Variants in CACNA1S observed in about 807,000 individuals in gnomAD.
The protein encoded by CACNA1S is calcium voltage-gated channel subunit alpha1 S, also known as voltage-dependent L-type calcium channel subunit alpha-1S.
CACNA1S carries 126 observed loss-of-function variants against 207.4 expected under a neutral mutation model. The ratio of observed to expected loss-of-function variants is 0.61; its 90% CI spans 0.53 to 0.70. CACNA1S has a LOEUF of 0.70. Ranked by LOEUF, CACNA1S falls within the 30% of genes least tolerant of loss-of-function variation. CACNA1S has a pLI of 0.00. For missense variants in CACNA1S, 2,349 were observed against 2,422.8 expected, an observed-to-expected ratio of 0.97 and a Z score of 0.64; for synonymous variants, 960 against 932.7, an observed-to-expected ratio of 1.03 and a Z score of -0.53.
In CACNA1S at chr1:201,091,648, A is replaced by G. The variant is rs778551098; in HGVS notation, c.686T>C (p.Ile229Thr). Residue 229 changes from isoleucine (I) to threonine (T), a missense_variant, in exon 5 of 44, where the codon ATT becomes ACT. Physicochemically the swap from Ile to Thr is moderately conservative, Grantham distance 89 (BLOSUM62 -1). Coordinates refer to ENST00000362061, the MANE Select transcript of CACNA1S (RefSeq NM_000069.3). ...KGKMHKTCYF[I>T]GTDIVATVEN... ...TTTCCCTGGGAGCTCACCTGTACCA[A>G]TGAAGTAGCAGGTCTTGTGCATCTT... 26 of 1,614,080 alleles carry G rather than the reference A, an allele frequency of 1.6e-5. No homozygotes were observed. Among genetic ancestry groups the G allele is most frequent in the Middle Eastern group, 1.6e-4 (1 of 6,084 alleles).
intron 22 of CACNA1S, among the ~76,000 whole-genome samples, chr1:201,065,455 G>A (rs1359732820): frequency 6.6e-6 from 1 of 152,168 alleles, no homozygotes; most frequent in Non-Finnish European, 1.5e-5. Context: ...CCGTTTTCTT[G>A]TTTTGTTTGA....
At chr1:201,095,063 G>A (rs1460003571) in intron 2 of CACNA1S, among the ~76,000 whole-genome samples, 1 of 152,028 alleles carries the variant, frequency 6.6e-6, no homozygotes, top group Non-Finnish European at 1.5e-5. Context: ...AGCCTCCCGA[G>A]GGGGTGCTGA....
chr1:201,059,344 G>T (rs1345792994), intron 26 of CACNA1S, 45 bp from the exon 27 acceptor site: 4 of 1,305,402 alleles, frequency 3.1e-6, no homozygotes, highest in Non-Finnish European at 4.4e-6. Flanking sequence ...GGCCGGGTTT[G>T]CCCACCCTGT....
Position 201,075,524 on chromosome 1 carries a change from T to C in CACNA1S, c.1919A>G (p.Tyr640Cys), listed in dbSNP as rs1347247620. The change falls in exon 13 of 44, where the codon TAC becomes TGC. Residue 640 changes from tyrosine (Y) to cysteine (C), a missense_variant. By Grantham distance (194) the Tyr-to-Cys change is radical. Coordinates refer to ENST00000362061, the MANE Select transcript of CACNA1S (RefSeq NM_000069.3). ...PSYPGMLVCIYFIILFVCGNY... is the reference protein window; with the variant it reads ...PSYPGMLVCICFIILFVCGNY... ...GCCACAGACGAAAAGGATGATGAAG[T>C]AAATGCACACAAGCATGCCAGGGTA... The C allele has an allele frequency of 5.6e-6, 9 of 1,608,980 alleles. No individual in the cohort carries two copies. In the East Asian group the frequency reaches 6.7e-5, roughly 12 times the overall value.
At chr1:201,081,380 G>A (rs1030541419) in intron 10 of CACNA1S, among the ~76,000 whole-genome samples, 1 of 152,162 alleles carries the variant, frequency 6.6e-6, no homozygotes, top group Non-Finnish European at 1.5e-5. Flanking sequence ...GTTTGTAGTG[G>A]GGAGGGCACT....
chr1:201,063,321 A>C (rs1269895097), intron 22 of CACNA1S, among the ~76,000 whole-genome samples: 2 of 146,012 alleles, frequency 1.4e-5, no homozygotes, highest in Non-Finnish European at 1.5e-5. Context: ...TTGTTTGCTC[A>C]CTCTGTCGCT....
chr1:201,048,480 C>T lies in CACNA1S; in HGVS notation c.4441+102G>A, dbSNP rs1558054929. 1.4e-5 allele frequency: 14 copies of T among 1,022,154 alleles called. No individual in the cohort carries two copies. In the South Asian group the frequency reaches 1.8e-4, roughly 13 times the overall value. 63.3% of individuals were successfully genotyped at this position (1,022,154 alleles called of 1,614,324 possible). ...GGGGTCCTCCCTCTACTTCTTCCCA[C>T]AGTTCTTAAGAGCAATCTTGAGCTC... On this transcript the variant is annotated intron_variant, in intron 36 of 43. Coordinates refer to ENST00000362061, the MANE Select transcript of CACNA1S (RefSeq NM_000069.3).
At chr1:201,077,493 C>T (rs1032894295) in intron 11 of CACNA1S, among the ~76,000 whole-genome samples, 1 of 152,208 alleles carries the variant, frequency 6.6e-6, no homozygotes, top group Non-Finnish European at 1.5e-5. Context: ...GAACCTCTCT[C>T]CACTTCCCTC....
At chr1:201,109,555 C>T (rs538158262) in intron 2 of CACNA1S, among the ~76,000 whole-genome samples, 2 of 152,298 alleles carry the variant, frequency 1.3e-5, no homozygotes, top group African/African-American at 4.8e-5. Flanking sequence ...TCAGTTTTCT[C>T]ATCCATAAAA....
rs771865391 is a variant in CACNA1S at position 201,070,336 on chromosome 1, G to T, written c.2296C>A (p.Leu766Met). The T allele has an allele frequency of 1.7e-4, 273 of 1,614,110 alleles. 4 individuals are homozygous for T. The South Asian group carries it at 2.1e-3, about 13-fold the overall frequency. The change falls in exon 17 of 44, where the codon CTG (leucine) becomes ATG (methionine). Residue 766 changes from leucine to methionine, a missense_variant. Coordinates refer to ENST00000362061, the MANE Select transcript of CACNA1S (RefSeq NM_000069.3). ...GGAATGGGCACGGCCTTCTCTTTCA[G>T]CTGCAGCTCAGCCAGGGGACGTGGT... ...PRPRPLAELQ[L>M]KEKAVPIPEA...
At position 201,061,259 on chromosome 1, in the gene CACNA1S, C is replaced by A; in HGVS notation, c.3255+8G>T. The A allele has an allele frequency of 6.2e-7, 1 of 1,613,804 alleles. No individual in the cohort carries two copies. Among genetic ancestry groups the A allele is most frequent in the Non-Finnish European group, 8.5e-7 (1 of 1,179,726 alleles). ...CTGCCCTCCACCTCTGGCAGGCAGC[C>A]CAGGCACCTGGTTCTTGTCCAGCTC... On this transcript the variant is annotated splice_region_variant and intron_variant, in intron 25 of 43. Coordinates refer to ENST00000362061, the MANE Select transcript of CACNA1S (RefSeq NM_000069.3).
intron 2 of CACNA1S, among the ~76,000 whole-genome samples, chr1:201,104,527 T>C (rs956429825): frequency 6.6e-6 from 1 of 152,374 alleles, no homozygotes; most frequent in African/African-American, 2.4e-5. Flanking sequence ...AACCTAGCAA[T>C]CCTATTCCAT....
At chr1:201,095,450 C>T (rs1458318036) in intron 2 of CACNA1S, among the ~76,000 whole-genome samples, 1 of 152,160 alleles carries the variant, frequency 6.6e-6, no homozygotes, top group East Asian at 1.9e-4. Flanking sequence ...TTTATTTTTA[C>T]TTCCAAGTGA....
chr1:201,080,743 T>C (rs1312020392), intron 10 of CACNA1S, among the ~76,000 whole-genome samples: 7 of 144,336 alleles, frequency 4.8e-5, no homozygotes, highest in African/African-American at 1.7e-4. Flanking sequence ...TTTTTTTTTG[T>C]TGTTGTTTGT....
Position 201,089,564 on chromosome 1 carries a change from T to C in CACNA1S, c.695-101A>G, listed in dbSNP as rs2296384. 0.6 allele frequency: 673,209 copies of C among 1,126,138 alleles called. 204,469 individuals carry two copies. Among genetic ancestry groups the C allele is most frequent in the Non-Finnish European group, 0.63 (482,950 of 768,954 alleles). The allele number at this position is 1,126,138 out of a possible 1,614,324, so 69.8% of individuals were successfully genotyped here. ...CAATTTAAGAGAATTGAGCAGTAAG[T>C]CTAAAGACACTCTGCTGAAAATGCA... is the stretch of plus-strand genomic sequence containing the variant. On this transcript the variant is annotated intron_variant, in intron 5 of 43. Transcript: ENST00000362061.
intron 11 of CACNA1S, among the ~76,000 whole-genome samples, chr1:201,077,635 C>T (rs1050084868): frequency 6.6e-6 from 1 of 152,138 alleles, no homozygotes; most frequent in African/African-American, 2.4e-5. Context: ...TCTTTTCCAC[C>T]ACCCCCACTC....
rs1419485886 is a variant in CACNA1S, at chr1:201,039,785, C to G, written c.*46G>C. The G allele has an allele frequency of 2.5e-6, 4 of 1,599,606 alleles. No homozygotes were observed. The highest frequency in any genetic ancestry group is 3.4e-6 in the Non-Finnish European group (4 of 1,179,822). On this transcript the variant is annotated 3_prime_UTR_variant, in exon 44 of 44. Coordinates refer to ENST00000362061, the MANE Select transcript of CACNA1S (RefSeq NM_000069.3). ...CTCCACCCCAGCAACTTCCCCACCCCCATTGGTCATGCCAGCTCTAAGCCC... is the reference window on the plus strand; with the variant it reads ...CTCCACCCCAGCAACTTCCCCACCCGCATTGGTCATGCCAGCTCTAAGCCC...
chr1:201,098,904 T>G (rs1050579648), intron 2 of CACNA1S, among the ~76,000 whole-genome samples: 8 of 152,194 alleles, frequency 5.3e-5, no homozygotes, highest in African/African-American at 1.9e-4. Context: ...TAACTGGTGC[T>G]CCCTGGGGCC....
At chr1:201,082,969 G>A (rs1661890692) in intron 10 of CACNA1S, among the ~76,000 whole-genome samples, 193 bp downstream of exon 10, 1 of 152,162 alleles carries the variant, frequency 6.6e-6, no homozygotes, top group South Asian at 2.1e-4. Flanking sequence ...TGCCACTTGA[G>A]GTCTCCGTTT....
Sources: gnomAD v4.1 joint callset for allele counts (sites outside exome capture counted in the v4.1 genomes callset) on GRCh38, gnomAD v4.1.1 for gene constraint, MANE v1.5 for transcripts, NCBI Gene and HGNC (gene_info 2026-07-23, HGNC 2026-07-21) for gene names.